STON2: variants seen among roughly 807,000 people sequenced by gnomAD.
STON2 encodes the protein stonin 2.
A neutral mutation model predicts 65.7 loss-of-function variants in STON2; 29 were observed. The ratio of observed to expected loss-of-function variants is 0.44; its 90% CI spans 0.33 to 0.60. The LOEUF (loss-of-function observed/expected upper bound fraction) is 0.60. STON2 is among the 20% of genes least tolerant of loss of function. The probability of loss-of-function intolerance (pLI) is 0.03; values close to 1 mark genes in which losing one functional copy is unlikely to be tolerated. For missense variants in STON2, 1,054 were observed against 1,118.1 expected, an observed-to-expected ratio of 0.94 and a Z score of 0.82; for synonymous variants, 404 against 414.2, an observed-to-expected ratio of 0.98 and a Z score of 0.30.
intron 1 of STON2, among the ~76,000 whole-genome samples, chr14:81,434,772 A>G (rs938189414): frequency 1.3e-5 from 2 of 152,322 alleles, no homozygotes; most frequent in Non-Finnish European, 1.5e-5. Context: ...TTTTAAAAAG[A>G]AAAATAAAAC....
At chr14:81,419,844 A>G (rs1901616978) in intron 2 of STON2, among the ~76,000 whole-genome samples, 1 of 152,224 alleles carries the variant, frequency 6.6e-6, no homozygotes, top group Non-Finnish European at 1.5e-5. Flanking sequence ...AGAGAAGTGA[A>G]GTAGGGAAAG....
At chr14:81,304,422 C>T (rs910337766) in intron 5 of STON2, among the ~76,000 whole-genome samples, 3 of 152,144 alleles carry the variant, frequency 2.0e-5, no homozygotes, top group African/African-American at 4.8e-5. Flanking sequence ...CAAGCTCACG[C>T]TGTTAGAGAT....
intron 4 of STON2, among the ~76,000 whole-genome samples, chr14:81,341,452 T>TG (rs1286588831): frequency 2.2e-4 from 27 of 123,108 alleles, no homozygotes; most frequent in African/African-American, 1.1e-3. Context: ...AAGTGTTTTT[T>TG]TTTTGTTTTT....
intron 2 of STON2, among the ~76,000 whole-genome samples, chr14:81,412,451 G>T (rs2371598): frequency 0.64 from 88,804 of 138,300 alleles, 33,752 homozygotes; most frequent in Non-Finnish European, 0.69. Context: ...TGAATGACCC[G>T]TGAGGACATC....
At chr14:81,318,798 G>C (rs562556436) in intron 5 of STON2, among the ~76,000 whole-genome samples, 1 of 152,118 alleles carries the variant, frequency 6.6e-6, no homozygotes, top group African/African-American at 2.4e-5. Context: ...CTGTGATCAC[G>C]CCACTGCACT....
chr14:81,375,748 A>G (rs1014546588), intron 3 of STON2, among the ~76,000 whole-genome samples: 1 of 151,848 alleles, frequency 6.6e-6, no homozygotes, highest in Non-Finnish European at 1.5e-5. Flanking sequence ...TTATAATAAC[A>G]CCAAGAATTT....
chr14:81,331,328 C>T (rs552254943), intron 4 of STON2, among the ~76,000 whole-genome samples: 1 of 152,294 alleles, frequency 6.6e-6, no homozygotes, highest in South Asian at 2.1e-4. Context: ...AGACACTGTG[C>T]TAATTTCTTT....
chr14:81,431,197 T>A (rs1202124624), intron 1 of STON2, among the ~76,000 whole-genome samples: 1 of 152,220 alleles, frequency 6.6e-6, no homozygotes, highest in African/African-American at 2.4e-5. Context: ...CACAGAATCC[T>A]GGGGGAGTTT....
chr14:81,380,696 T>C (rs981329573), intron 3 of STON2, among the ~76,000 whole-genome samples: 3 of 152,170 alleles, frequency 2.0e-5, no homozygotes, highest in African/African-American at 7.2e-5. Context: ...CTGGAGGTCA[T>C]TATCCTAAAC....
intron 1 of STON2, among the ~76,000 whole-genome samples, chr14:81,432,918 T>A (rs1902275135): frequency 6.6e-6 from 1 of 152,176 alleles, no homozygotes; most frequent in Admixed American, 6.5e-5. Context: ...CTCAATCACA[T>A]CTTAATGTCT....
chr14:81,386,299 T>C (rs1015291916), intron 3 of STON2, among the ~76,000 whole-genome samples: 5 of 152,176 alleles, frequency 3.3e-5, no homozygotes, highest in African/African-American at 9.7e-5. Flanking sequence ...TGTCCACATA[T>C]TCACCAAAAG....
At chr14:81,427,911 A>G (rs1296844678) in intron 1 of STON2, among the ~76,000 whole-genome samples, 1 of 152,122 alleles carries the variant, frequency 6.6e-6, no homozygotes. Flanking sequence ...CTCAGGGCAT[A>G]GCTTCTAGAT....
chr14:81,408,136 A>ACACACACAC (rs1900959777), intron 2 of STON2, among the ~76,000 whole-genome samples: 1 of 149,002 alleles, frequency 6.7e-6, no homozygotes, highest in African/African-American at 2.5e-5. Context: ...TTCACTGAAG[A>ACACACACAC]ACACACACAC....
chr14:81,331,696 T>C (rs1384177828), intron 4 of STON2, among the ~76,000 whole-genome samples: 1 of 152,214 alleles, frequency 6.6e-6, no homozygotes, highest in Non-Finnish European at 1.5e-5. Context: ...AGACCTATGT[T>C]GAAGCCGTTG....
intron 3 of STON2, among the ~76,000 whole-genome samples, chr14:81,384,375 G>A (rs1234055715): frequency 6.6e-6 from 1 of 152,022 alleles, no homozygotes; most frequent in Non-Finnish European, 1.5e-5. Flanking sequence ...AGCCTCTCGA[G>A]TAACTGGGAT....
chr14:81,363,742 C>T (rs1210618525), intron 4 of STON2, among the ~76,000 whole-genome samples: 1 of 152,092 alleles, frequency 6.6e-6, no homozygotes, highest in Non-Finnish European at 1.5e-5. Context: ...AATTAGTTAA[C>T]TTGTTTCTGT....
chr14:81,274,908 AAAAC>A (rs560348632), intron 6 of STON2, among the ~76,000 whole-genome samples: 149 of 152,252 alleles, frequency 9.8e-4, no homozygotes, highest in East Asian at 1.7e-3. Context: ...TCATTTCAAA[AAAAC>A]AAACAAACAA....
intron 4 of STON2, among the ~76,000 whole-genome samples, chr14:81,368,141 G>A (rs1443890471): frequency 6.6e-6 from 1 of 152,070 alleles, no homozygotes; most frequent in Admixed American, 6.6e-5. Context: ...ATATCTGTAT[G>A]GAAGGTCTGG....
At chr14:81,293,432 A>G (rs1240148542) in intron 5 of STON2, among the ~76,000 whole-genome samples, 1 of 152,036 alleles carries the variant, frequency 6.6e-6, no homozygotes, top group East Asian at 1.9e-4. Flanking sequence ...TCGGCCTCCC[A>G]AAGTGCTGGG....
Sources: gnomAD v4.1 joint callset for allele counts (sites outside exome capture counted in the v4.1 genomes callset) on GRCh38, gnomAD v4.1.1 for gene constraint, MANE v1.5 for transcripts, NCBI Gene and HGNC (gene_info 2026-07-23, HGNC 2026-07-21) for gene names.